The following NCOA7 variants were observed in gnomAD, a reference collection of about 807,000 sequenced individuals.
The protein encoded by NCOA7 is 140 kDa estrogen receptor-associated protein.
NCOA7 carries 45 observed loss-of-function variants against 104.3 expected under a neutral mutation model. The observed-to-expected ratio is 0.43, with a 90% CI of 0.34 to 0.55. NCOA7 has a LOEUF of 0.55. Ranked by LOEUF, NCOA7 falls within the 20% of genes least tolerant of loss-of-function variation. The pLI is 0.02. For missense variants in NCOA7, 1,041 were observed against 1,119.7 expected (o/e 0.93, Z 1.00); for synonymous variants, 398 against 402.3 (o/e 0.99, Z 0.13).
chr6:125,923,858 G>A (rs1026896360), intron 13 of NCOA7, among the ~76,000 whole-genome samples: 1 of 152,172 alleles, frequency 6.6e-6, no homozygotes, highest in Non-Finnish European at 1.5e-5. Flanking sequence ...TTGCTGTCAT[G>A]ATTTGCCTTG....
intron 1 of NCOA7, among the ~76,000 whole-genome samples, chr6:125,783,101 G>C (rs974431788): frequency 9.2e-5 from 14 of 152,172 alleles, no homozygotes; most frequent in African/African-American, 3.4e-4. Context: ...ACAAAAAGCA[G>C]CTCTGCCAAC....
intron 10 of NCOA7, among the ~76,000 whole-genome samples, chr6:125,893,628 C>T (rs1784784120): frequency 6.6e-6 from 1 of 152,140 alleles, no homozygotes. Flanking sequence ...GTAGTAAGGA[C>T]AGCAACGATG....
chr6:125,786,773 A>T (rs1774488383), upstream of NCOA7, among the ~76,000 whole-genome samples: 1 of 152,064 alleles, frequency 6.6e-6, no homozygotes, highest in South Asian at 2.1e-4. Context: ...ACAGAGTTTC[A>T]TCGTGTTGGC....
intron 1 of NCOA7, among the ~76,000 whole-genome samples, chr6:125,784,803 A>G (rs530581539): frequency 9.8e-5 from 15 of 152,346 alleles, no homozygotes; most frequent in Middle Eastern, 3.4e-3. Context: ...GTTACGTACT[A>G]TATGATTCAA....
At chr6:125,880,798 C>T (rs112365455) in intron 5 of NCOA7, among the ~76,000 whole-genome samples, 2 of 152,302 alleles carry the variant, frequency 1.3e-5, no homozygotes, top group African/African-American at 2.4e-5. Context: ...TCCCAAAGTG[C>T]TGGGATTACA....
rs551715156 is a variant in NCOA7 at position 125,867,911 on chromosome 6, C to T, written c.272-6978C>T. ...CCTTCCAGAAAGCTGGGGGTGGGGCCTCACCAGTGCGGTGTTTCGGTAATA... is the reference window on the plus strand; with the variant it reads ...CCTTCCAGAAAGCTGGGGGTGGGGCTTCACCAGTGCGGTGTTTCGGTAATA... On this transcript the variant is annotated intron_variant, in intron 3 of 15. Transcript: ENST00000392477. Among the ~76,000 whole-genome samples, 49 of 152,276 alleles carry T rather than the reference C, an allele frequency of 3.2e-4. No individual in the cohort carries two copies. The South Asian group carries it at 8.9e-3, about 28-fold the overall frequency.
At chr6:125,904,799 G>C (rs1214893542) in intron 10 of NCOA7, among the ~76,000 whole-genome samples, 1 of 152,160 alleles carries the variant, frequency 6.6e-6, no homozygotes, top group Non-Finnish European at 1.5e-5. Context: ...GGAGACATTG[G>C]GAAAACATTA....
chr6:125,815,988 A>C (rs1165259813), intron 2 of NCOA7, among the ~76,000 whole-genome samples: 1 of 152,240 alleles, frequency 6.6e-6, no homozygotes, highest in Non-Finnish European at 1.5e-5. Context: ...GCACTCACTA[A>C]ACATAATAAA....
chr6:125,922,579 G>A (rs986756918), intron 12 of NCOA7, 103 bp from the exon 13 acceptor site: 3 of 1,334,722 alleles, frequency 2.2e-6, no homozygotes, highest in African/African-American at 2.9e-5. Flanking sequence ...CTATGTGAGT[G>A]TATGATACTG....
At chr6:125,843,341 G>A (rs748706546) in intron 2 of NCOA7, among the ~76,000 whole-genome samples, 2 of 152,100 alleles carry the variant, frequency 1.3e-5, no homozygotes, top group South Asian at 2.1e-4. Context: ...CCCTGTGGAC[G>A]CCTTGATTTC....
intron 15 of NCOA7, 97 bp from the exon 16 acceptor site, chr6:125,928,539 C>A: frequency 1.4e-6 from 2 of 1,380,448 alleles, no homozygotes; most frequent in South Asian, 1.4e-5. Flanking sequence ...TTTTGCCTGT[C>A]AGTAGTATAA....
chr6:125,803,373 A>T (rs903565866), intron 1 of NCOA7, among the ~76,000 whole-genome samples: 1 of 152,178 alleles, frequency 6.6e-6, no homozygotes, highest in South Asian at 2.1e-4. Context: ...GTTTCTTTAG[A>T]GCACATTGGG....
In NCOA7 at chr6:125,878,383, T is replaced by TTACTGGATA. The variant is rs1351414238; in HGVS notation, c.459+16_459+24dup. 8 of 1,558,634 alleles carry TTACTGGATA rather than the reference T, an allele frequency of 5.1e-6. No individual in the cohort carries two copies. The highest frequency in any genetic ancestry group is 7.0e-6 in the Non-Finnish European group (8 of 1,138,550). ...TGTTCCAGGCCAGGTAATTATACTC[T>TTACTGGATA]TACTGGATATAACTCTAGAAATTCT... is the stretch of plus-strand genomic sequence containing the variant. On this transcript the variant is annotated intron_variant, in intron 5 of 15. Coordinates refer to ENST00000392477, the MANE Select transcript of NCOA7 (RefSeq NM_181782.5).
Position 125,874,961 on chromosome 6 carries a change from A to T in NCOA7, c.344A>T (p.Glu115Val), listed in dbSNP as rs2128639975. Residue 115 changes from glutamate (E) to valine (V), a missense_variant, in exon 4 of 16, where the codon GAA (glutamate) becomes GTA (valine). Physicochemically the swap from Glu to Val is moderately radical, Grantham distance 121. Coordinates refer to ENST00000392477, the MANE Select transcript of NCOA7 (RefSeq NM_181782.5). The stretch of plus-strand genomic sequence containing the variant: ...GTTCAGAAGCCCCATGGGACTATGG[A>T]ATACACTGTGAGTATAACCAAGGTG... Reference protein sequence around the residue: ...MVVQKPHGTMEYTAGNQDTLN... With the variant: ...MVVQKPHGTMVYTAGNQDTLN... 6.2e-7 allele frequency: 1 copy of T among 1,611,760 alleles called. No individual in the cohort carries two copies. Among genetic ancestry groups the T allele is most frequent in the East Asian group, 2.2e-5 (1 of 44,844 alleles).
At chr6:125,878,476 A>ATCC in intron 5 of NCOA7, 106 bp downstream of exon 5, 1 of 710,210 alleles carries the variant, frequency 1.4e-6, no homozygotes, top group Non-Finnish European at 2.2e-6. Context: ...ATAAATGATA[A>ATCC]TGTGCTTTGG....
intron 1 of NCOA7, among the ~76,000 whole-genome samples, chr6:125,797,460 C>T (rs940707580): frequency 4.6e-5 from 7 of 152,174 alleles, no homozygotes; most frequent in Non-Finnish European, 1.0e-4. Flanking sequence ...GTGGGTTATT[C>T]TTATCACTAA....
intron 2 of NCOA7, among the ~76,000 whole-genome samples, chr6:125,823,375 C>G (rs1778375539): frequency 6.6e-6 from 1 of 152,058 alleles, no homozygotes; most frequent in African/African-American, 2.4e-5. Context: ...TTTCAGTATT[C>G]AGCAATTTTA....
At chr6:125,915,618 T>C in intron 11 of NCOA7, 138 bp downstream of exon 11, 4 of 1,042,602 alleles carry the variant, frequency 3.8e-6, no homozygotes, top group Non-Finnish European at 5.5e-6. Context: ...AATAACTTTA[T>C]TCCTCCGTTT....
At chr6:125,829,587 T>A (rs147971367) in intron 2 of NCOA7, among the ~76,000 whole-genome samples, 2 of 152,340 alleles carry the variant, frequency 1.3e-5, no homozygotes, top group Non-Finnish European at 2.9e-5. Context: ...AAGATGTTCC[T>A]GTGTTTTCTC....
Sources: allele counts gnomAD v4.1 joint callset (sites outside exome capture counted in the v4.1 genomes callset), GRCh38; gene constraint gnomAD v4.1.1; transcripts MANE v1.5; gene names NCBI Gene and HGNC (gene_info 2026-07-23, HGNC 2026-07-21).